LAMA5: variants seen among roughly 807,000 people sequenced by gnomAD.
LAMA5 encodes the protein laminin subunit alpha 5, also known as laminin subunit alpha-5.
In LAMA5, 260 loss-of-function variants were observed where a neutral mutation model predicts 433.4. That is an observed-to-expected ratio of 0.60 (90% CI 0.54 to 0.66). LAMA5 has a LOEUF of 0.66. Ranked by LOEUF, LAMA5 falls within the 30% of genes least tolerant of loss-of-function variation. LAMA5 has a pLI of 0.00. For synonymous variants in LAMA5, 2,620 were observed against 2,226.6 expected, an observed-to-expected ratio of 1.18 and a Z score of -4.97; for missense variants, 5,378 against 5,258.5, an observed-to-expected ratio of 1.02 and a Z score of -0.70.
In LAMA5 at chr20:62,327,347, C is replaced by A. The variant is rs778908092; in HGVS notation, c.4998G>T (p.Glu1666Asp). The A allele has an allele frequency of 3.7e-6, 6 of 1,601,904 alleles. No individual in the cohort carries two copies. The highest frequency in any genetic ancestry group is 1.7e-4 in the Middle Eastern group (1 of 6,024). The change falls in exon 38 of 80, where the codon GAG becomes GAT. Residue 1666 changes from glutamate (E) to aspartate (D), a missense_variant. Physicochemically the swap from Glu to Asp is conservative, Grantham distance 45. Transcript: ENST00000252999. ...LSTDRQVVPH[E>D]RQPGTEMLRA... is the part of the protein sequence containing the mutation. ...GGAGCATCTCCGTCCCTGGCTGCCGCTCGTGGGGCACCACCTGCCGGTCAG... is the reference window on the plus strand; with the variant it reads ...GGAGCATCTCCGTCCCTGGCTGCCGATCGTGGGGCACCACCTGCCGGTCAG...
chr20:62,348,835 C>T (rs1267999233), intron 6 of LAMA5, among the ~76,000 whole-genome samples: 1 of 151,890 alleles, frequency 6.6e-6, no homozygotes, highest in African/African-American at 2.4e-5. Flanking sequence ...GAAGACACCT[C>T]AGAAGATAAA....
chr20:62,333,283 A>C, intron 25 of LAMA5, 40 bp from the exon 26 acceptor site: 1 of 1,580,504 alleles, frequency 6.3e-7, no homozygotes, highest in Non-Finnish European at 8.6e-7. Context: ...AGGTCCACCC[A>C]GGTCCCCAGA....
At position 62,334,622 on chromosome 20, in the gene LAMA5, C is replaced by T; in HGVS notation, c.2483-1G>A. The T allele has an allele frequency of 6.5e-7, 1 of 1,545,622 alleles. No homozygotes were observed. Among genetic ancestry groups the T allele is most frequent in the Non-Finnish European group, 8.7e-7 (1 of 1,146,368 alleles). On this transcript the variant is annotated splice_acceptor_variant, in intron 20 of 79. Transcript: ENST00000252999. LOFTEE classifies it high-confidence loss of function. ...GCACCGCCAATGTCACACCGGCAGCCTGCAGGGAGAAGGTGGGAGGTCAGA... is the reference window on the plus strand; with the variant it reads ...GCACCGCCAATGTCACACCGGCAGCTTGCAGGGAGAAGGTGGGAGGTCAGA...
In LAMA5 at chr20:62,318,575, C is replaced by T. The variant is rs148907937; in HGVS notation, c.7118G>A (p.Arg2373Gln). ...GAGGCCGGCCTCGTGCTGGGCCAGCCGGTCGCGGGTTTGTGTGGCCAGTGC... is the reference window on the plus strand; with the variant it reads ...GAGGCCGGCCTCGTGCTGGGCCAGCTGGTCGCGGGTTTGTGTGGCCAGTGC... Reference protein sequence around the residue: ...NQALATQTRDRLAQHEAGLMD... With the variant: ...NQALATQTRDQLAQHEAGLMD... Residue 2373 changes from arginine to glutamine, a missense_variant, in exon 53 of 80, where the codon CGG (arginine) becomes CAG (glutamine). Coordinates refer to ENST00000252999, the MANE Select transcript of LAMA5 (RefSeq NM_005560.6). The T allele has an allele frequency of 1.2e-3, 1,938 of 1,610,588 alleles. 13 individuals carry two copies. In the African/African-American group the frequency reaches 0.02, roughly 16 times the overall value.
chr20:62,327,334 T>A lies in LAMA5; in HGVS notation c.5011A>T (p.Thr1671Ser). ...CGCAGGTCTGCACGGAGCATCTCCGTCCCTGGCTGCCGCTCGTGGGGCACC... is the reference window on the plus strand; with the variant it reads ...CGCAGGTCTGCACGGAGCATCTCCGACCCTGGCTGCCGCTCGTGGGGCACC... ...QVVPHERQPG[T>S]EMLRADLRHV... The change falls in exon 38 of 80, where the codon ACG becomes TCG. Residue 1671 changes from threonine to serine, a missense_variant. Transcript: ENST00000252999. 6.2e-7 allele frequency: 1 copy of A among 1,602,292 alleles called. No individual in the cohort carries two copies. The highest frequency in any genetic ancestry group is 1.1e-5 in the South Asian group (1 of 89,732).
chr20:62,331,348 A>G (rs1220529356), intron 28 of LAMA5, among the ~76,000 whole-genome samples: 3 of 150,430 alleles, frequency 2.0e-5, no homozygotes, highest in Non-Finnish European at 4.4e-5. Flanking sequence ...CCGGTCACAC[A>G]GCTCAGACCC....
In LAMA5 at chr20:62,314,264, T is replaced by C. The variant is rs555204180; in HGVS notation, c.8504+40A>G. On this transcript the variant is annotated intron_variant, in intron 62 of 79. Coordinates refer to ENST00000252999, the MANE Select transcript of LAMA5 (RefSeq NM_005560.6). ...AGAGATGGCGAACGGGCAAGGGCCC[T>C]GCAGTTGGAGGCATCCGGCCTCTCT... 4.2e-5 allele frequency: 68 copies of C among 1,600,692 alleles called. No individual in the cohort carries two copies. In the East Asian group the frequency reaches 1.5e-3, roughly 34 times the overall value.
Position 62,330,380 on chromosome 20 carries a change from G to GT in LAMA5, c.3979+107dup, listed in dbSNP as rs1980129462. 15 of 1,384,382 alleles carry GT rather than the reference G, an allele frequency of 1.1e-5. No individual in the cohort carries two copies. In the South Asian group the frequency reaches 2.3e-4, roughly 21 times the overall value. 85.8% of individuals were successfully genotyped at this position (1,384,382 alleles called of 1,614,324 possible). ...GTTTGAGAACTGATGGCAGGACAGA[G>GT]TCATGTTGCCTGTCGCTCATAGCAG... On this transcript the variant is annotated intron_variant, in intron 31 of 79. Transcript: ENST00000252999.
At chr20:62,321,229 G>A (rs1489258768) in intron 48 of LAMA5, among the ~76,000 whole-genome samples, 17 of 106,856 alleles carry the variant, frequency 1.6e-4, no homozygotes, top group Admixed American at 3.6e-4. Context: ...CAGTGGAGGA[G>A]GCGGGGCCTG....
chr20:62,342,536 G>A (rs1291736220), intron 11 of LAMA5, among the ~76,000 whole-genome samples: 2 of 151,016 alleles, frequency 1.3e-5, no homozygotes, highest in South Asian at 2.1e-4. Context: ...AAAATTAGCC[G>A]GGCGTGGTGG....
At position 62,310,556 on chromosome 20, in the gene LAMA5, C is replaced by A. The variant is rs1383000039; in HGVS notation, c.10463G>T (p.Ser3488Ile). Residue 3488 changes from serine (S) to isoleucine (I), a missense_variant, in exon 76 of 80, where the codon AGC (serine) becomes ATC (isoleucine). Transcript: ENST00000252999. The part of the protein sequence containing the change: ...SSKLPVTVGF[S>I]GCVKRLRLHG... ...CAGCCTCAGTCTCTTCACACAGCCGCTGAACCCGACGGTCACCTATAGGAG... is the reference window on the plus strand; with the variant it reads ...CAGCCTCAGTCTCTTCACACAGCCGATGAACCCGACGGTCACCTATAGGAG... The A allele has an allele frequency of 1.1e-5, 17 of 1,548,158 alleles. No individual in the cohort carries two copies. The South Asian group carries it at 2.1e-4, about 19-fold the overall frequency.
Position 62,336,439 on chromosome 20 carries a change from C to T in LAMA5, c.2224G>A (p.Val742Ile), listed in dbSNP as rs915092554. 2.5e-6 allele frequency: 4 copies of T among 1,611,830 alleles called. No homozygotes were observed. Among genetic ancestry groups the T allele is most frequent in the African/African-American group, 1.3e-5 (1 of 74,906 alleles). ...ACGTGAGCCCGGCACATACAGGGAACCTGTGCCTGGGAGAGGACAAGACTG... is the reference window on the plus strand; with the variant it reads ...ACGTGAGCCCGGCACATACAGGGAATCTGTGCCTGGGAGAGGACAAGACTG... ...PVDPALPEAQ[V>I]PCMCRAHVEG... Residue 742 changes from valine (V) to isoleucine (I), a missense_variant, in exon 18 of 80, where the codon GTT (valine) becomes ATT (isoleucine). Physicochemically the swap from Val to Ile is conservative, Grantham distance 29. Coordinates refer to ENST00000252999, the MANE Select transcript of LAMA5 (RefSeq NM_005560.6).
At position 62,322,018 on chromosome 20, in the gene LAMA5, C is replaced by A; in HGVS notation, c.6496+1G>T. 6.3e-7 allele frequency: 1 copy of A among 1,598,334 alleles called. No homozygotes were observed. ...GGGGAAGTGGGGTGTTGAGGACACA[C>A]CTTCACAGTGGATGCTGTGGCCCAC... On this transcript the variant is annotated splice_donor_variant, in intron 48 of 79. Transcript: ENST00000252999. LOFTEE classifies it high-confidence loss of function.
At chr20:62,323,976 C>T in intron 43 of LAMA5, 104 bp downstream of exon 43, 1 of 1,410,536 alleles carries the variant, frequency 7.1e-7, no homozygotes, top group Non-Finnish European at 9.5e-7. Flanking sequence ...ACGGACACCT[C>T]CAGCTGTCCA....
chr20:62,334,221 T>C lies in LAMA5; in HGVS notation c.2704A>G (p.Ser902Gly), dbSNP rs764639315. The C allele has an allele frequency of 1.9e-6, 3 of 1,612,794 alleles. No homozygotes were observed. The African/African-American group carries it at 4.0e-5, about 22-fold the overall frequency. The stretch of plus-strand genomic sequence containing the variant: ...GCCATCTGCGCGTAGCCCCTCCAGC[T>C]GAAGTTCTCGAACTCGAGGGGGTTG... ...GFNPLEFENF[S>G]WRGYAQMAPV... is the part of the protein sequence containing the mutation. The change falls in exon 22 of 80, where the codon AGC (serine) becomes GGC (glycine). Residue 902 changes from serine to glycine, a missense_variant. Coordinates refer to ENST00000252999, the MANE Select transcript of LAMA5 (RefSeq NM_005560.6).
At chr20:62,358,604 G>C (rs1005188937) in intron 2 of LAMA5, among the ~76,000 whole-genome samples, 1 of 152,178 alleles carries the variant, frequency 6.6e-6, no homozygotes, top group Non-Finnish European at 1.5e-5. Flanking sequence ...GCCTGGGCGC[G>C]CTGGGCCTCC....
chr20:62,329,636 CAA>C (rs909040350), intron 32 of LAMA5, 139 bp downstream of exon 32: 2 of 1,098,086 alleles, frequency 1.8e-6, no homozygotes, highest in Non-Finnish European at 2.6e-6. Flanking sequence ...GGGAGGTCCC[CAA>C]AGGCAGGAGC....
In LAMA5 at chr20:62,314,810, C is replaced by A. The variant is rs1451090876; in HGVS notation, c.8185G>T (p.Ala2729Ser). ...GGACTCTCACCCACCTTACTGGCAG[C>A]CCCCCGGGCCTGGGCAATGAGCTCT... ...VRELIAQARG[A>S]ASKVKVPMKF... is the part of the protein sequence containing the mutation. The change falls in exon 60 of 80, where the codon GCT (alanine) becomes TCT (serine). Residue 2729 changes from alanine (A) to serine (S), a missense_variant. Transcript: ENST00000252999. 2.5e-6 allele frequency: 4 copies of A among 1,612,782 alleles called. No homozygotes were observed. The highest frequency in any genetic ancestry group is 2.5e-6 in the Non-Finnish European group (3 of 1,179,906).
In LAMA5 at chr20:62,317,669, G is replaced by A. The variant is rs374515191; in HGVS notation, c.7349C>T (p.Ala2450Val). ...GCCAGGGGCTGCACTCACCTCCTTA[G>A]CCTGGTCCAGGCTGTGCAGCAATCT... Reference protein sequence around the residue: ...VFRLLHSLDQAKEELERLAAS... With the variant: ...VFRLLHSLDQVKEELERLAAS... Residue 2450 changes from alanine to valine, a missense_variant, in exon 54 of 80, where the codon GCT becomes GTT. By Grantham distance (64) the Ala-to-Val change is moderately conservative (BLOSUM62 0). Transcript: ENST00000252999. 5.0e-5 allele frequency: 79 copies of A among 1,585,494 alleles called. No homozygotes were observed. Among genetic ancestry groups the A allele is most frequent in the Non-Finnish European group, 6.7e-5 (78 of 1,166,894 alleles).
Sources: allele counts gnomAD v4.1 joint callset (sites outside exome capture counted in the v4.1 genomes callset), GRCh38; gene constraint gnomAD v4.1.1; transcripts MANE v1.5; gene names NCBI Gene and HGNC (gene_info 2026-07-23, HGNC 2026-07-21).